The following NR4A3 variants were observed in gnomAD, a reference collection of about 807,000 sequenced individuals.
The protein encoded by NR4A3 is chondrosarcoma, extraskeletal myxoid, fused to EWS.
Under a neutral mutation model 55.6 loss-of-function variants are expected in NR4A3, and 13 were observed. That is an observed-to-expected ratio of 0.23 (90% CI 0.15 to 0.37). NR4A3 has a LOEUF of 0.37. Ranked by LOEUF, NR4A3 falls within the 10% of genes least tolerant of loss-of-function variation. The probability of loss-of-function intolerance (pLI) is 1.00; values close to 1 mark genes in which losing one functional copy is unlikely to be tolerated. For missense variants in NR4A3, 646 were observed against 822.8 expected (o/e 0.79, Z 2.63); for synonymous variants, 342 against 357.9 (o/e 0.96, Z 0.50).
rs543811833 is a variant in NR4A3, at chr9:99,827,999, T to C, written c.-2-42T>C. On this transcript the variant is annotated intron_variant, in intron 2 of 7. Coordinates refer to ENST00000395097, the MANE Select transcript of NR4A3 (RefSeq NM_006981.4). ...TGCTGCCTGTTGGCTAGAAAACAAGTGTTAACTTGCTTCTGAGAGACCCTT... is the reference window on the plus strand; with the variant it reads ...TGCTGCCTGTTGGCTAGAAAACAAGCGTTAACTTGCTTCTGAGAGACCCTT... 2.5e-6 allele frequency: 4 copies of C among 1,572,482 alleles called. No individual in the cohort carries two copies. The South Asian group carries it at 3.6e-5, about 14-fold the overall frequency.
At chr9:99,838,818 C>A (rs1208088320) in intron 5 of NR4A3, among the ~76,000 whole-genome samples, 1 of 152,162 alleles carries the variant, frequency 6.6e-6, no homozygotes, top group Non-Finnish European at 1.5e-5. Context: ...TTAAAAAGTG[C>A]CATTGGATGA....
chr9:99,828,012 C>A lies in NR4A3; in HGVS notation c.-2-29C>A. On this transcript the variant is annotated intron_variant, in intron 2 of 7. Coordinates refer to ENST00000395097, the MANE Select transcript of NR4A3 (RefSeq NM_006981.4). The surrounding 1 kb of genome is among the most constrained non-coding windows in gnomAD (Gnocchi z 7.7). ...CTAGAAAACAAGTGTTAACTTGCTT[C>A]TGAGAGACCCTTTTCTCTGTCCCTG... is the stretch of plus-strand genomic sequence containing the variant. The A allele has an allele frequency of 6.3e-7, 1 of 1,587,712 alleles. No individual in the cohort carries two copies. Among genetic ancestry groups the A allele is most frequent in the South Asian group, 1.2e-5 (1 of 86,648 alleles).
At position 99,828,940 on chromosome 9, in the gene NR4A3, G is replaced by A; in HGVS notation, c.898G>A (p.Ala300Thr). Residue 300 changes from alanine (A) to threonine (T), a missense_variant, in exon 3 of 8, where the codon GCC (alanine) becomes ACC (threonine). Physicochemically the swap from Ala to Thr is moderately conservative, Grantham distance 58. Transcript: ENST00000395097. The surrounding 1 kb of genome is among the most constrained non-coding windows in gnomAD (Gnocchi z 7.7). ...GTCAVCGDNA[A>T]CQHYGVRTCE... is the part of the protein sequence containing the mutation. ...GTGTGCCGTGTGCGGGGACAACGCC[G>A]CCTGCCAGCACTACGGCGTGCGAAC... is the stretch of plus-strand genomic sequence containing the variant. 2 of 1,435,754 alleles carry A rather than the reference G, an allele frequency of 1.4e-6. No homozygotes were observed. Among genetic ancestry groups the A allele is most frequent in the Non-Finnish European group, 1.8e-6 (2 of 1,093,330 alleles). 88.9% of individuals were successfully genotyped at this position (1,435,754 alleles called of 1,614,324 possible).
chr9:99,832,919 C>T lies in NR4A3; in HGVS notation c.1081+101C>T, dbSNP rs543377155. Reference sequence around the variant, plus strand: ...ATTGGGATGGTGAATTTTTCTAGTTCCTTTTTCCTTTCAACATTTTATTTT... The same window carrying T: ...ATTGGGATGGTGAATTTTTCTAGTTTCTTTTTCCTTTCAACATTTTATTTT... On this transcript the variant is annotated intron_variant, in intron 4 of 7. Transcript: ENST00000395097. 2.9e-6 allele frequency: 3 copies of T among 1,027,786 alleles called. No homozygotes were observed. The South Asian group carries it at 7.1e-5, about 24-fold the overall frequency. The allele number at this position is 1,027,786 out of a possible 1,614,324, so 63.7% of individuals were successfully genotyped here.
rs201635468 is a variant in NR4A3 at position 99,844,779 on chromosome 9, C to G, written c.1385C>G (p.Pro462Arg). The G allele has an allele frequency of 6.2e-7, 1 of 1,613,966 alleles. No individual in the cohort carries two copies. The change falls in exon 6 of 8, where the codon CCC (proline) becomes CGC (arginine). Residue 462 changes from proline to arginine, a missense_variant. Around this residue, in one of 5 missense-constraint regions of NR4A3, gnomAD observed 163 missense variants for 233.0 expected, o/e 0.70. Transcript: ENST00000395097. ...AAGATTCCGGGATTTACTGATCTCC[C>G]CAAAGAAGATCAGACATTACTTATT... is the stretch of plus-strand genomic sequence containing the variant. The part of the protein sequence containing the change: ...AEKIPGFTDL[P>R]KEDQTLLIES...
At chr9:99,832,905 G>A in intron 4 of NR4A3, 87 bp downstream of exon 4, 1 of 1,199,440 alleles carries the variant, frequency 8.3e-7, no homozygotes, top group Non-Finnish European at 1.1e-6. Flanking sequence ...TTGGGATGGT[G>A]AATTTTTCTA....
Position 99,822,019 on chromosome 9 carries a change from G to A in NR4A3, c.-565G>A, listed in dbSNP as rs1442376467. ...ACACACAGACACAAGCGCGCACACA[G>A]GCTCCGCACACACACTTCGCTCTCC... On this transcript the variant is annotated 5_prime_UTR_variant, in exon 1 of 8. Coordinates refer to ENST00000395097, the MANE Select transcript of NR4A3 (RefSeq NM_006981.4). This position sits in a 1 kb window ranked among gnomAD's most constrained non-coding sequence, Gnocchi z 4.9. 1.3e-5 allele frequency: 2 copies of A among 151,468 alleles called. No individual in the cohort carries two copies. Among genetic ancestry groups the A allele is most frequent in the Admixed American group, 1.3e-4 (2 of 15,034 alleles). The allele number at this position is 151,468 out of a possible 1,614,324, so 9.4% of individuals were successfully genotyped here. A position where few individuals can be genotyped will look rare whatever the true frequency, so the allele number is the denominator to read the frequency against.
chr9:99,859,044 C>G (rs999856580), intron 7 of NR4A3, among the ~76,000 whole-genome samples: 5 of 152,196 alleles, frequency 3.3e-5, no homozygotes, highest in African/African-American at 1.2e-4. Context: ...AAGTCTATTA[C>G]TTAACCATTT....
At chr9:99,862,915 C>A (rs1048602564) in intron 7 of NR4A3, among the ~76,000 whole-genome samples, 4 of 152,176 alleles carry the variant, frequency 2.6e-5, no homozygotes, top group African/African-American at 9.7e-5. Flanking sequence ...TCCATCTCCA[C>A]AGCAGGAGGA....
At chr9:99,833,491 C>A in intron 5 of NR4A3, 37 bp downstream of exon 5, 1 of 1,613,982 alleles carries the variant, frequency 6.2e-7, no homozygotes, top group South Asian at 1.1e-5. Context: ...AATGAATGAT[C>A]AGGGTCTCTA....
chr9:99,858,317 ACT>A, intron 7 of NR4A3, among the ~76,000 whole-genome samples: 1 of 152,048 alleles, frequency 6.6e-6, no homozygotes, highest in African/African-American at 2.4e-5. Context: ...TCACTCCATC[ACT>A]CTCTCCCCCT....
intron 5 of NR4A3, among the ~76,000 whole-genome samples, chr9:99,839,284 C>G (rs1487404497): frequency 6.6e-6 from 1 of 152,148 alleles, no homozygotes; most frequent in Middle Eastern, 3.2e-3. Flanking sequence ...CATAGTTTGA[C>G]TTATACAATG....
intron 7 of NR4A3, among the ~76,000 whole-genome samples, chr9:99,847,935 T>C (rs1421995274): frequency 6.6e-6 from 1 of 152,226 alleles, no homozygotes; most frequent in Non-Finnish European, 1.5e-5. Context: ...GACAGGGTCT[T>C]GCTCTGTCAC....
chr9:99,839,972 T>C (rs541361555), intron 5 of NR4A3, among the ~76,000 whole-genome samples: 24 of 152,364 alleles, frequency 1.6e-4, no homozygotes, highest in African/African-American at 5.1e-4. Context: ...GAGGTTTTCC[T>C]AAACTGGTAG....
At chr9:99,845,027 G>T (rs143085390) in intron 6 of NR4A3, among the ~76,000 whole-genome samples, 179 bp downstream of exon 6, 153 of 152,286 alleles carry the variant, frequency 1.0e-3, no homozygotes, top group African/African-American at 3.6e-3. Flanking sequence ...ACCAGGACCC[G>T]TGGGTTCTAG....
At chr9:99,845,208 T>C (rs973165130) in intron 6 of NR4A3, among the ~76,000 whole-genome samples, 2 of 152,216 alleles carry the variant, frequency 1.3e-5, no homozygotes, top group Non-Finnish European at 2.9e-5. Flanking sequence ...GCATAAGCTA[T>C]TTCCTGGGAG....
chr9:99,859,835 T>C (rs1435228914), intron 7 of NR4A3, among the ~76,000 whole-genome samples: 1 of 152,316 alleles, frequency 6.6e-6, no homozygotes, highest in South Asian at 2.1e-4. Flanking sequence ...ATGTAAGACA[T>C]GAGACACTGA....
intron 7 of NR4A3, among the ~76,000 whole-genome samples, chr9:99,856,351 C>T (rs1327028818): frequency 1.3e-5 from 2 of 151,882 alleles, no homozygotes; most frequent in Admixed American, 6.6e-5. Context: ...CAATAGGGTT[C>T]ACACTCCTAT....
In NR4A3 at chr9:99,853,485, G is replaced by A. The variant is rs558380476; in HGVS notation, c.1633+5870G>A. ...CAATGCTATCCCTCCCCCCTCCCCCGACCCCACCACAGTCCCCAGAGTGTG... is the reference window on the plus strand; with the variant it reads ...CAATGCTATCCCTCCCCCCTCCCCCAACCCCACCACAGTCCCCAGAGTGTG... On this transcript the variant is annotated intron_variant, in intron 7 of 7. Transcript: ENST00000395097. 1.2e-4 allele frequency among the ~76,000 whole-genome samples: 11 copies of A among 94,456 alleles called. No individual in the cohort carries two copies. The South Asian group carries it at 3.2e-3, about 28-fold the overall frequency. 62.0% of individuals were successfully genotyped at this position (94,456 alleles called of 152,430 possible). A position where few individuals can be genotyped will look rare whatever the true frequency, so the allele number is the denominator to read the frequency against.
Sources: allele counts gnomAD v4.1 joint callset (sites outside exome capture counted in the v4.1 genomes callset), GRCh38; gene constraint gnomAD v4.1.1; regional missense constraint gnomAD v4.1.1; non-coding constraint Gnocchi (gnomAD v3.1); transcripts MANE v1.5; gene names NCBI Gene and HGNC (gene_info 2026-07-23, HGNC 2026-07-21).